The following DTNB variants were observed in gnomAD, a reference collection of about 807,000 sequenced individuals.
The protein encoded by DTNB is dystrobrevin beta, also known as DTN-B.
In DTNB, 63 loss-of-function variants were observed where a neutral mutation model predicts 90.7. That is an observed-to-expected ratio of 0.69 (90% CI 0.57 to 0.86). The LOEUF is 0.86. Among genes scored for constraint, DTNB ranks in the 40% least tolerant of loss-of-function variants. The pLI, the probability that DTNB is intolerant of heterozygous loss-of-function variation, is 0.00. For synonymous variants in DTNB, 277 were observed against 286.7 expected (o/e 0.97, Z 0.34); for missense variants, 744 against 807.1 (o/e 0.92, Z 0.95).
intron 16 of DTNB, among the ~76,000 whole-genome samples, chr2:25,402,409 C>T (rs973060866): frequency 1.3e-5 from 2 of 152,170 alleles, no homozygotes; most frequent in African/African-American, 4.8e-5. Context: ...GAGGCGCCCA[C>T]CTGCAAGCTT....
intron 8 of DTNB, among the ~76,000 whole-genome samples, chr2:25,556,061 A>T (rs982733297): frequency 1.3e-5 from 2 of 151,602 alleles, no homozygotes; most frequent in African/African-American, 4.9e-5. Flanking sequence ...ATCTTTCCAG[A>T]TCTATTTCAC....
chr2:25,470,523 C>T (rs1334590913), intron 10 of DTNB, among the ~76,000 whole-genome samples: 1 of 151,816 alleles, frequency 6.6e-6, no homozygotes, highest in Non-Finnish European at 1.5e-5. Context: ...TTACAGGCAT[C>T]CACCACCACA....
Position 25,455,473 on chromosome 2 carries a change from T to C in DTNB, c.1101A>G (p.Ile367Met), listed in dbSNP as rs773875540. The part of the protein sequence containing the change: ...PTKRLQYSQD[I>M]PSHLADEHAL... Reference sequence around the variant, plus strand: ...CATGCTCATCGGCCAAGTGACTGGGTATATCCTGGCTATACTGTAACCTAG... The same window carrying C: ...CATGCTCATCGGCCAAGTGACTGGGCATATCCTGGCTATACTGTAACCTAG... Residue 367 changes from isoleucine to methionine, a missense_variant, in exon 11 of 21, where the codon ATA becomes ATG. Ile to Met is a conservative substitution (Grantham distance 10). Transcript: ENST00000406818. The C allele has an allele frequency of 6.2e-6, 10 of 1,606,806 alleles. No individual in the cohort carries two copies. The highest frequency in any genetic ancestry group is 8.5e-6 in the Non-Finnish European group (10 of 1,176,852).
At chr2:25,489,632 AC>A (rs1337761524) in intron 9 of DTNB, among the ~76,000 whole-genome samples, 1 of 152,138 alleles carries the variant, frequency 6.6e-6, no homozygotes, top group Non-Finnish European at 1.5e-5. Flanking sequence ...AGCCTGGGTA[AC>A]ACAGCCAAGA....
chr2:25,394,266 T>A (rs1303221906), intron 16 of DTNB, among the ~76,000 whole-genome samples: 1 of 152,086 alleles, frequency 6.6e-6, no homozygotes, highest in Non-Finnish European at 1.5e-5. Context: ...AAGACTTAAA[T>A]CTAAGACCTG....
chr2:25,654,706 G>A (rs981530512), intron 1 of DTNB, among the ~76,000 whole-genome samples: 2 of 152,210 alleles, frequency 1.3e-5, no homozygotes, highest in African/African-American at 2.4e-5. Flanking sequence ...ATGGGGATAC[G>A]TTTTGGGAAG....
intron 4 of DTNB, among the ~76,000 whole-genome samples, chr2:25,620,565 G>T (rs2072274408): frequency 6.6e-6 from 1 of 152,134 alleles, no homozygotes; most frequent in Non-Finnish European, 1.5e-5. Context: ...TTAGTTAATG[G>T]TAAAACCCTT....
chr2:25,618,856 T>C (rs1203937514), intron 4 of DTNB, among the ~76,000 whole-genome samples: 1 of 152,172 alleles, frequency 6.6e-6, no homozygotes, highest in Middle Eastern at 3.2e-3. Flanking sequence ...CAATAAACTA[T>C]GCATATGACT....
rs1301580540 is a variant in DTNB, at chr2:25,673,393, A to G, written c.-9T>C. Reference sequence around the variant, plus strand: ...GCGGCCGCAGACCCCCACCTTGCTCACTTCCCCGCCGGAGCAGGGGTCGTC... The same window carrying G: ...GCGGCCGCAGACCCCCACCTTGCTCGCTTCCCCGCCGGAGCAGGGGTCGTC... On this transcript the variant is annotated 5_prime_UTR_variant, in exon 1 of 21. Coordinates refer to ENST00000406818, the MANE Select transcript of DTNB (RefSeq NM_021907.5). The G allele has an allele frequency of 1.3e-5, 2 of 150,128 alleles. No homozygotes were observed. Among genetic ancestry groups the G allele is most frequent in the Non-Finnish European group, 3.0e-5 (2 of 67,430 alleles). 9.3% of individuals were successfully genotyped at this position (150,128 alleles called of 1,614,324 possible). A position where few individuals can be genotyped will look rare whatever the true frequency, so the allele number is the denominator to read the frequency against.
chr2:25,531,612 A>C lies in DTNB; in HGVS notation c.877-15T>G. The C allele has an allele frequency of 6.2e-7, 1 of 1,612,756 alleles. No homozygotes were observed. Among genetic ancestry groups the C allele is most frequent in the Non-Finnish European group, 8.5e-7 (1 of 1,179,570 alleles). On this transcript the variant is annotated splice_polypyrimidine_tract_variant and intron_variant, in intron 8 of 20. Transcript: ENST00000406818. ...GCAGGAGATTTCTGTGTCAAAGCAGAAAATAGTAAGGAATTAACCCTTCAA... is the reference window on the plus strand; with the variant it reads ...GCAGGAGATTTCTGTGTCAAAGCAGCAAATAGTAAGGAATTAACCCTTCAA...
chr2:25,507,893 G>T (rs1321358176), intron 9 of DTNB, among the ~76,000 whole-genome samples: 3 of 152,106 alleles, frequency 2.0e-5, no homozygotes, highest in Non-Finnish European at 4.4e-5. Flanking sequence ...AACATGCTAG[G>T]TATGCTTTGG....
At chr2:25,473,421 CAT>C (rs1337408099) in intron 10 of DTNB, among the ~76,000 whole-genome samples, 1 of 152,108 alleles carries the variant, frequency 6.6e-6, no homozygotes, top group Non-Finnish European at 1.5e-5. Context: ...AAGGTCAAAA[CAT>C]ATTTCAGTGA....
At chr2:25,598,365 C>T (rs1246841655) in intron 5 of DTNB, among the ~76,000 whole-genome samples, 1 of 152,130 alleles carries the variant, frequency 6.6e-6, no homozygotes, top group Non-Finnish European at 1.5e-5. Flanking sequence ...ACCATACTGG[C>T]CCTGGACTAC....
At chr2:25,597,908 C>T (rs1378167958) in intron 5 of DTNB, among the ~76,000 whole-genome samples, 2 of 152,084 alleles carry the variant, frequency 1.3e-5, no homozygotes, top group Non-Finnish European at 2.9e-5. Context: ...ACAGAAAAAA[C>T]AGAGGCAAAA....
chr2:25,577,932 G>A (rs942556269), intron 7 of DTNB, among the ~76,000 whole-genome samples: 4 of 151,920 alleles, frequency 2.6e-5, no homozygotes, highest in South Asian at 2.1e-4. Context: ...CCTGGGAGGC[G>A]GAGGTTGCAG....
chr2:25,537,625 A>C (rs928579554), intron 8 of DTNB, among the ~76,000 whole-genome samples: 2 of 152,240 alleles, frequency 1.3e-5, no homozygotes, highest in Non-Finnish European at 2.9e-5. Context: ...TTTCCTTAAA[A>C]GATCTCAGAT....
rs1202339738 is a variant in DTNB, at chr2:25,388,290, G to A, written c.1647C>T (p.Arg549=). 3.7e-6 allele frequency: 6 copies of A among 1,613,166 alleles called. No homozygotes were observed. The African/African-American group carries it at 5.3e-5, about 14-fold the overall frequency. ...TGGGGGTGGAGCCGGCAGACGTGGA[G>A]CGCACTGGCATGGGCATTGGCCGGC... is the stretch of plus-strand genomic sequence containing the variant. ...GGGRPMPMPV[R]STSAGSTPTH... The change falls in exon 17 of 21, where the codon CGC becomes CGT. Residue 549 remains arginine, a synonymous_variant. Coordinates refer to ENST00000406818, the MANE Select transcript of DTNB (RefSeq NM_021907.5).
intron 8 of DTNB, among the ~76,000 whole-genome samples, chr2:25,554,598 A>T (rs2056955046): frequency 6.6e-6 from 1 of 152,222 alleles, no homozygotes. Flanking sequence ...ACGCTGCACC[A>T]GAAGACTTGT....
At chr2:25,435,910 G>A (rs1003912312) in intron 12 of DTNB, among the ~76,000 whole-genome samples, 10 of 152,214 alleles carry the variant, frequency 6.6e-5, no homozygotes, top group African/African-American at 1.7e-4. Flanking sequence ...AAGGCAATTC[G>A]TATTTCCCCA....
Sources: allele counts gnomAD v4.1 joint callset (sites outside exome capture counted in the v4.1 genomes callset), GRCh38; gene constraint gnomAD v4.1.1; transcripts MANE v1.5; gene names NCBI Gene and HGNC (gene_info 2026-07-23, HGNC 2026-07-21).